Variants in ENTREP2 observed in about 807,000 individuals in gnomAD.
The protein encoded by ENTREP2 is endosomal transmembrane epsin interactor 2, also known as protein ENTREP2.
At chr15:29,399,832 A>G in the ENTREP2 span, among the ~76,000 whole-genome samples, 1 of 152,200 alleles carries the variant, frequency 6.6e-6, no homozygotes, top group East Asian at 1.9e-4. Flanking sequence ...GGAAGAGAAA[A>G]TATATTTTAC....
At chr15:29,643,480 G>A in the ENTREP2 span, among the ~76,000 whole-genome samples, 1 of 151,540 alleles carries the variant, frequency 6.6e-6, no homozygotes, top group Admixed American at 6.6e-5. Context: ...GTGATAACAA[G>A]CATCAAAAAA....
At chr15:29,205,259 G>C in the ENTREP2 span, among the ~76,000 whole-genome samples, 6 of 152,206 alleles carry the variant, frequency 3.9e-5, no homozygotes, top group Admixed American at 6.5e-5. Flanking sequence ...CTTGGCTGCT[G>C]TGAATAATGC....
chr15:29,645,795 C>T, the ENTREP2 span, among the ~76,000 whole-genome samples: 6 of 152,098 alleles, frequency 3.9e-5, no homozygotes, highest in Non-Finnish European at 8.8e-5. Context: ...CTCCTGACCT[C>T]GTGATCCGCC....
At chr15:29,605,745 G>A in the ENTREP2 span, among the ~76,000 whole-genome samples, 2 of 152,098 alleles carry the variant, frequency 1.3e-5, no homozygotes, top group Non-Finnish European at 2.9e-5. Flanking sequence ...GCTGAGGTAG[G>A]AGAATTGCTT....
the ENTREP2 span, among the ~76,000 whole-genome samples, chr15:29,666,620 T>C: frequency 6.6e-6 from 1 of 152,214 alleles, no homozygotes; most frequent in Non-Finnish European, 1.5e-5. Context: ...TCACCGTGCC[T>C]GCACCAGCCC....
At chr15:29,478,019 A>ATTTTTTTTTT in the ENTREP2 span, among the ~76,000 whole-genome samples, 2 of 54,284 alleles carry the variant, frequency 3.7e-5, no homozygotes, top group African/African-American at 1.8e-4. Flanking sequence ...ATATATATAT[A>ATTTTTTTTTT]TTTTTTTTTT....
chr15:29,265,957 G>A, the ENTREP2 span: 1 of 152,180 alleles, frequency 6.6e-6, no homozygotes, highest in African/African-American at 2.4e-5. Flanking sequence ...ATTTTTTAAA[G>A]CACTATACAC....
chr15:29,426,422 C>T, the ENTREP2 span, among the ~76,000 whole-genome samples: 1 of 152,032 alleles, frequency 6.6e-6, no homozygotes, highest in African/African-American at 2.4e-5. Flanking sequence ...TTTTTGATTA[C>T]TGAAATTCAG....
the ENTREP2 span, among the ~76,000 whole-genome samples, chr15:29,593,270 C>T: frequency 6.6e-6 from 1 of 152,182 alleles, no homozygotes; most frequent in Non-Finnish European, 1.5e-5. Context: ...CTTGGCTCAC[C>T]TCCTGTGCCA....
the ENTREP2 span, chr15:29,120,923 C>G: frequency 6.6e-6 from 1 of 152,302 alleles, no homozygotes; most frequent in Non-Finnish European, 1.5e-5. Flanking sequence ...ATTCCCTAGT[C>G]TACCAGCACC....
the ENTREP2 span, among the ~76,000 whole-genome samples, chr15:29,522,833 G>A: frequency 2.8e-4 from 42 of 152,202 alleles, no homozygotes; most frequent in East Asian, 5.2e-3. Context: ...CTTTAGCCTC[G>A]GGGCATTTGC....
chr15:29,565,236 C>T, the ENTREP2 span, among the ~76,000 whole-genome samples: 1 of 152,174 alleles, frequency 6.6e-6, no homozygotes, highest in South Asian at 2.1e-4. Context: ...TTGCTAATAT[C>T]CCACGCTGCA....
chr15:29,224,605 A>T, the ENTREP2 span, among the ~76,000 whole-genome samples: 2 of 152,074 alleles, frequency 1.3e-5, no homozygotes, highest in African/African-American at 4.8e-5. Flanking sequence ...CTAGATACAG[A>T]GTGTCCACTG....
the ENTREP2 span, among the ~76,000 whole-genome samples, chr15:29,654,369 T>G: frequency 0.058 from 8,794 of 152,276 alleles, 794 homozygotes; most frequent in African/African-American, 0.19. Flanking sequence ...CAAACATGTT[T>G]GTGCGGTTGG....
chr15:29,214,368 G>A, the ENTREP2 span, among the ~76,000 whole-genome samples: 1 of 152,168 alleles, frequency 6.6e-6, no homozygotes, highest in Non-Finnish European at 1.5e-5. Flanking sequence ...CATAAAAAAG[G>A]ATGAATTCAT....
At chr15:29,130,578 G>C in the ENTREP2 span, among the ~76,000 whole-genome samples, 2 of 152,122 alleles carry the variant, frequency 1.3e-5, no homozygotes, top group African/African-American at 4.8e-5. Flanking sequence ...ACAAGAGAAA[G>C]AAAATATACA....
chr15:29,255,054 C>A, the ENTREP2 span, among the ~76,000 whole-genome samples: 4 of 152,182 alleles, frequency 2.6e-5, no homozygotes, highest in Non-Finnish European at 5.9e-5. Context: ...GTCCTTTCAA[C>A]ACAACTCCAG....
chr15:29,407,964 GC>G, the ENTREP2 span, among the ~76,000 whole-genome samples: 1 of 152,144 alleles, frequency 6.6e-6, no homozygotes, highest in Non-Finnish European at 1.5e-5. Flanking sequence ...ACAGGCCTGA[GC>G]CACTGCACCT....
chr15:29,461,481 T>A, the ENTREP2 span, among the ~76,000 whole-genome samples: 1 of 152,142 alleles, frequency 6.6e-6, no homozygotes, highest in Admixed American at 6.6e-5. Context: ...ACCAGTTTTT[T>A]ATTTTTTTAT....
Sources: allele counts gnomAD v4.1 joint callset (sites outside exome capture counted in the v4.1 genomes callset), GRCh38; gene constraint gnomAD v4.1.1; transcripts MANE v1.5; gene names NCBI Gene and HGNC (gene_info 2026-07-23, HGNC 2026-07-21).